The following TRIO variants were observed in gnomAD, a reference collection of about 807,000 sequenced individuals.
The protein encoded by TRIO is triple functional domain protein.
Under a neutral mutation model 351.9 loss-of-function variants are expected in TRIO, and 58 were observed. The observed-to-expected ratio is 0.16, with a 90% CI of 0.13 to 0.21. TRIO has a LOEUF of 0.21. Ranked by LOEUF, TRIO falls within the 10% of genes least tolerant of loss-of-function variation. The probability of loss-of-function intolerance (pLI) is 1.00; values close to 1 mark genes in which losing one functional copy is unlikely to be tolerated. For synonymous variants in TRIO, 1,758 were observed against 1,595.7 expected, an observed-to-expected ratio of 1.10 and a Z score of -2.42; for missense variants, 3,201 against 4,027.8, an observed-to-expected ratio of 0.79 and a Z score of 5.56.
rs1474692154 is a variant in TRIO, at chr5:14,488,014, C to A, written c.7386C>A (p.Ser2462=). 1 of 1,588,680 alleles carries A rather than the reference C, an allele frequency of 6.3e-7. No individual in the cohort carries two copies. Among genetic ancestry groups the A allele is most frequent in the South Asian group, 1.1e-5 (1 of 87,462 alleles). ...GAASPLNSPL[S]SAVPSLGKEP... ...CTTCGCCGCTGAACTCGCCGCTCTC[C>A]AGCGCGGTCCCTTCTCTCGGCAAGG... is the stretch of plus-strand genomic sequence containing the variant. Residue 2462 remains serine (S), a synonymous_variant, in exon 48 of 57, where the codon TCC becomes TCA. Coordinates refer to ENST00000344204, the MANE Select transcript of TRIO (RefSeq NM_007118.4).
At chr5:14,145,103 G>T (rs1787423507) in intron 1 of TRIO, among the ~76,000 whole-genome samples, 1 of 152,184 alleles carries the variant, frequency 6.6e-6, no homozygotes, top group Admixed American at 6.5e-5. Flanking sequence ...ACAGGCCGGG[G>T]GAGCGGCCCT....
intron 1 of TRIO, among the ~76,000 whole-genome samples, chr5:14,251,368 G>A (rs1037986369): frequency 3.3e-5 from 5 of 152,198 alleles, no homozygotes; most frequent in Non-Finnish European, 7.4e-5. Context: ...CGGGCAGCAC[G>A]TAACCTGACA....
At chr5:14,506,709 T>C (rs1241991392) in intron 55 of TRIO, among the ~76,000 whole-genome samples, 2 of 152,166 alleles carry the variant, frequency 1.3e-5, no homozygotes, top group African/African-American at 4.8e-5. Context: ...TGTGGTTACA[T>C]GATCTCGGTG....
At position 14,369,275 on chromosome 5, in the gene TRIO, G is replaced by A. The variant is rs541806594; in HGVS notation, c.3067-99G>A. On this transcript the variant is annotated intron_variant, in intron 17 of 56. Coordinates refer to ENST00000344204, the MANE Select transcript of TRIO (RefSeq NM_007118.4). ...TCTTATGGTCTTGATCCTCCTGACAGCATCTTCATCCCCAGAGCCCGACTG... is the reference window on the plus strand; with the variant it reads ...TCTTATGGTCTTGATCCTCCTGACAACATCTTCATCCCCAGAGCCCGACTG... 6.5e-5 allele frequency: 95 copies of A among 1,471,332 alleles called. No homozygotes were observed. In the Admixed American group the frequency reaches 1.0e-3, roughly 16 times the overall value. 91.1% of individuals were successfully genotyped at this position (1,471,332 alleles called of 1,614,324 possible).
At chr5:14,338,833 C>G (rs1039496071) in intron 11 of TRIO, among the ~76,000 whole-genome samples, 2 of 152,148 alleles carry the variant, frequency 1.3e-5, no homozygotes, top group Admixed American at 6.5e-5. Context: ...GAGGGCCTTG[C>G]ATCTGTGGCA....
chr5:14,161,776 G>A (rs13183821), intron 1 of TRIO, among the ~76,000 whole-genome samples: 7,399 of 152,330 alleles, frequency 0.049, 199 homozygotes, highest in Middle Eastern at 0.12. Flanking sequence ...ACCCAGGCTA[G>A]AGTTCAGTGG....
intron 47 of TRIO, among the ~76,000 whole-genome samples, chr5:14,485,597 T>C (rs1197797561): frequency 6.6e-6 from 1 of 152,028 alleles, no homozygotes; most frequent in Non-Finnish European, 1.5e-5. Context: ...GAGGGCCCAG[T>C]CCTAGGAAGA....
intron 2 of TRIO, among the ~76,000 whole-genome samples, chr5:14,279,964 C>T (rs73057583): frequency 6.6e-6 from 1 of 152,094 alleles, no homozygotes; most frequent in Admixed American, 6.5e-5. Context: ...GGAGACTGGC[C>T]TAGAGAGCAG....
intron 7 of TRIO, among the ~76,000 whole-genome samples, chr5:14,300,335 G>A (rs897946119): frequency 1.3e-5 from 2 of 152,196 alleles, no homozygotes; most frequent in African/African-American, 2.4e-5. Flanking sequence ...ACCATGTGTG[G>A]CTATTGAAGC....
intron 1 of TRIO, among the ~76,000 whole-genome samples, chr5:14,207,255 T>A: frequency 8.3e-6 from 1 of 120,144 alleles, no homozygotes; most frequent in Non-Finnish European, 1.7e-5. Context: ...CATAGCAAGA[T>A]GGTCTCTACA....
At chr5:14,294,963 A>G (rs1019363120) in intron 6 of TRIO, among the ~76,000 whole-genome samples, 1 of 152,132 alleles carries the variant, frequency 6.6e-6, no homozygotes, top group Non-Finnish European at 1.5e-5. Flanking sequence ...ATTTTCTACA[A>G]TATACTTCTG....
At chr5:14,180,847 CAAAAAA>C (rs34473680) in intron 1 of TRIO, among the ~76,000 whole-genome samples, 1 of 139,144 alleles carries the variant, frequency 7.2e-6, no homozygotes, top group African/African-American at 2.9e-5. Flanking sequence ...AGTGCCCCCA[CAAAAAA>C]AAAAAAGAAA....
rs553672624 is a variant in TRIO, at chr5:14,307,593, G to A, written c.1500+3001G>A. Reference sequence around the variant, plus strand: ...AGAGGATACTGACCTCTCCGGCTATGAGTAGTGTTCATCTTGGCCACTTGG... The same window carrying A: ...AGAGGATACTGACCTCTCCGGCTATAAGTAGTGTTCATCTTGGCCACTTGG... On this transcript the variant is annotated intron_variant, in intron 8 of 56. Transcript: ENST00000344204. 5.3e-5 allele frequency among the ~76,000 whole-genome samples: 8 copies of A among 152,340 alleles called. No homozygotes were observed. In the South Asian group the frequency reaches 1.5e-3, roughly 28 times the overall value.
chr5:14,148,478 A>G (rs564559925), intron 1 of TRIO, among the ~76,000 whole-genome samples: 5 of 152,230 alleles, frequency 3.3e-5, no homozygotes, highest in Non-Finnish European at 7.3e-5. Flanking sequence ...ATCAATAGCC[A>G]CACTTTACTG....
intron 1 of TRIO, among the ~76,000 whole-genome samples, chr5:14,218,844 TCCAATA>T (rs1561215169): frequency 6.6e-6 from 1 of 152,240 alleles, no homozygotes; most frequent in East Asian, 1.9e-4. Flanking sequence ...CTGTGAACTT[TCCAATA>T]GCAGTAAACT....
At chr5:14,442,832 G>C (rs946264575) in intron 34 of TRIO, among the ~76,000 whole-genome samples, 7 of 152,302 alleles carry the variant, frequency 4.6e-5, no homozygotes, top group Non-Finnish European at 1.0e-4. Flanking sequence ...CCGCTAGCTA[G>C]CTCTGAATCT....
chr5:14,207,711 CAG>C (rs372248634), intron 1 of TRIO, among the ~76,000 whole-genome samples: 298 of 147,508 alleles, frequency 2.0e-3, no homozygotes, highest in Non-Finnish European at 2.0e-3. Context: ...GACCTTGTCT[CAG>C]AGAGAGAGAG....
At chr5:14,357,016 G>A (rs759419855) in intron 11 of TRIO, among the ~76,000 whole-genome samples, 7 of 152,218 alleles carry the variant, frequency 4.6e-5, no homozygotes, top group Non-Finnish European at 8.8e-5. Context: ...AGAGGCTCAC[G>A]GTGAAGTGGG....
chr5:14,507,533 G>A (rs1017582593), intron 56 of TRIO, among the ~76,000 whole-genome samples: 3 of 152,190 alleles, frequency 2.0e-5, no homozygotes, highest in Admixed American at 6.5e-5. Flanking sequence ...CCCGGTGGGT[G>A]TGGCGGGTGC....
Sources: allele counts gnomAD v4.1 joint callset (sites outside exome capture counted in the v4.1 genomes callset), GRCh38; gene constraint gnomAD v4.1.1; transcripts MANE v1.5; gene names NCBI Gene and HGNC (gene_info 2026-07-23, HGNC 2026-07-21).